CWF19L1: variants seen among roughly 807,000 people sequenced by gnomAD.
CWF19L1 encodes the protein CWF19 like cell cycle control factor 1.
A neutral mutation model predicts 69.7 loss-of-function variants in CWF19L1; 60 were observed. The ratio of observed to expected loss-of-function variants is 0.86; its 90% CI spans 0.70 to 1.07. The LOEUF (loss-of-function observed/expected upper bound fraction) is 1.07, where lower values mean the gene tolerates loss of function less well. Ranked by LOEUF, CWF19L1 falls within the 50% of genes least tolerant of loss-of-function variation. CWF19L1 has a pLI of 0.00. For missense variants in CWF19L1, 591 were observed against 638.9 expected, an observed-to-expected ratio of 0.92 and a Z score of 0.81; for synonymous variants, 209 against 222.2, an observed-to-expected ratio of 0.94 and a Z score of 0.53.
chr10:100,262,207 C>T lies in CWF19L1; in HGVS notation c.24-144G>A, dbSNP rs1181665174. 7.3e-6 allele frequency: 10 copies of T among 1,361,974 alleles called. No homozygotes were observed. In the African/African-American group the frequency reaches 1.5e-4, roughly 21 times the overall value. The allele number at this position is 1,361,974 out of a possible 1,614,324, so 84.4% of individuals were successfully genotyped here. On this transcript the variant is annotated intron_variant, in intron 1 of 13. Transcript: ENST00000354105. ...TGCAAGGTTCAGTGCACGTAAACCA[C>T]TGGGCAGATCCACTGAGGGTCTCAC...
intron 4 of CWF19L1, among the ~76,000 whole-genome samples, chr10:100,257,306 T>G (rs978516355): frequency 6.0e-5 from 8 of 133,328 alleles, no homozygotes; most frequent in Non-Finnish European, 7.8e-5. Flanking sequence ...TTTTTTTTTT[T>G]TTTTTTGAGA....
chr10:100,256,896 A>G (rs1007226972), intron 4 of CWF19L1, among the ~76,000 whole-genome samples: 3 of 152,272 alleles, frequency 2.0e-5, no homozygotes, highest in African/African-American at 7.2e-5. Context: ...GAAAAGATGC[A>G]CATAGTGAAA....
chr10:100,248,868 G>A, intron 7 of CWF19L1: 1 of 1,092,056 alleles, frequency 9.2e-7, no homozygotes, highest in Admixed American at 1.7e-5. Context: ...AAAAGGCTGA[G>A]CAGCAGAAAA....
intron 7 of CWF19L1, chr10:100,249,009 C>G: frequency 1.6e-6 from 1 of 641,284 alleles, no homozygotes; most frequent in Non-Finnish European, 2.9e-6. Flanking sequence ...CATTCCAGCT[C>G]TTATACTCTG....
chr10:100,259,302 C>T (rs58782398), intron 4 of CWF19L1, among the ~76,000 whole-genome samples: 1,691 of 151,802 alleles, frequency 0.011, 42 homozygotes, highest in African/African-American at 0.038. Context: ...TTGAAAACAG[C>T]CAGACATTGA....
At chr10:100,233,635 A>G (rs1382735621) in intron 13 of CWF19L1, among the ~76,000 whole-genome samples, 3 of 152,206 alleles carry the variant, frequency 2.0e-5, no homozygotes, top group African/African-American at 7.2e-5. Flanking sequence ...GCAACACCAC[A>G]TAGAAAAAGG....
chr10:100,250,766 T>C (rs746358903), intron 6 of CWF19L1, among the ~76,000 whole-genome samples: 31 of 151,670 alleles, frequency 2.0e-4, no homozygotes, highest in Non-Finnish European at 4.3e-4. Flanking sequence ...GGCAACACAG[T>C]GAGACTCTGT....
intron 12 of CWF19L1, 27 bp downstream of exon 12, chr10:100,236,823 C>A: frequency 6.4e-7 from 1 of 1,563,304 alleles, no homozygotes; most frequent in Non-Finnish European, 8.6e-7. Context: ...TTTACTCTTC[C>A]CTGAATATCA....
At chr10:100,255,191 C>A (rs1847168214) in intron 5 of CWF19L1, among the ~76,000 whole-genome samples, 1 of 152,222 alleles carries the variant, frequency 6.6e-6, no homozygotes, top group Non-Finnish European at 1.5e-5. Flanking sequence ...GTTGTCACTC[C>A]TGGTGTACCA....
intron 7 of CWF19L1, 143 bp from the exon 8 acceptor site, chr10:100,247,078 A>C: frequency 2.8e-6 from 2 of 718,100 alleles, no homozygotes; most frequent in Non-Finnish European, 4.3e-6. Flanking sequence ...TCCATAGCTC[A>C]GAGAGTAAAC....
At chr10:100,245,703 G>A in intron 9 of CWF19L1, 96 bp downstream of exon 9, 1 of 858,044 alleles carries the variant, frequency 1.2e-6, no homozygotes, top group Non-Finnish European at 1.9e-6. Flanking sequence ...ATTCTCCCCT[G>A]CCAGAAGAGG....
intron 1 of CWF19L1, among the ~76,000 whole-genome samples, chr10:100,263,930 G>A (rs1238240886): frequency 2.0e-5 from 3 of 152,142 alleles, no homozygotes; most frequent in Non-Finnish European, 2.9e-5. Flanking sequence ...ATGCCAAAGC[G>A]TTCTTAAGCA....
At chr10:100,263,695 T>C (rs1228865278) in intron 1 of CWF19L1, among the ~76,000 whole-genome samples, 2 of 152,188 alleles carry the variant, frequency 1.3e-5, no homozygotes, top group Admixed American at 1.3e-4. Flanking sequence ...CACTGTTCTC[T>C]ATCCCACTGA....
intron 7 of CWF19L1, chr10:100,248,442 G>T: frequency 1.4e-6 from 1 of 692,914 alleles, no homozygotes; most frequent in Non-Finnish European, 2.6e-6. Flanking sequence ...CATTCCATGG[G>T]TACACAAACC....
In CWF19L1 at chr10:100,256,322, A is replaced by C. The variant is rs1439325422; in HGVS notation, c.444T>G (p.Gly148=). Residue 148 remains glycine (G), a synonymous_variant, in exon 5 of 14, where the codon GGT becomes GGG. Transcript: ENST00000354105. ...MMLCTTSQFK[G]VDILLTSPWP... ...ATGGGGATGTGAGCAAGATATCAAC[A>C]CCCTTAAACTGGGAGGTTGTACACA... The C allele has an allele frequency of 6.2e-7, 1 of 1,614,078 alleles. No homozygotes were observed. The highest frequency in any genetic ancestry group is 1.7e-5 in the Admixed American group (1 of 60,012).
At position 100,248,345 on chromosome 10, in the gene CWF19L1, T is replaced by A. The variant is rs549941479; in HGVS notation, c.709-1410A>T. 7.0e-6 allele frequency: 7 copies of A among 999,726 alleles called. No individual in the cohort carries two copies. In the East Asian group the frequency reaches 1.4e-4, roughly 21 times the overall value. The allele number at this position is 999,726 out of a possible 1,614,324, so 61.9% of individuals were successfully genotyped here. A position where few individuals can be genotyped will look rare whatever the true frequency, so the allele number is the denominator to read the frequency against. ...GAGACGTGGTGAACTCTGCCCTATA[T>A]AATGTGGATGCTGAGCAAAGAGCTG... On this transcript the variant is annotated intron_variant, in intron 7 of 13. Coordinates refer to ENST00000354105, the MANE Select transcript of CWF19L1 (RefSeq NM_018294.6).
chr10:100,256,287 C>T lies in CWF19L1; in HGVS notation c.479G>A (p.Cys160Tyr), dbSNP rs2270962. ...DILLTSPWPKCVGNFGNSSGE... is the reference protein window; with the variant it reads ...DILLTSPWPKYVGNFGNSSGE... ...AGAAGAATTCCCAAAGTTCCCCACA[C>T]ACTTGGGCCATGGGGATGTGAGCAA... Residue 160 changes from cysteine to tyrosine, a missense_variant, in exon 5 of 14, where the codon TGT becomes TAT. Coordinates refer to ENST00000354105, the MANE Select transcript of CWF19L1 (RefSeq NM_018294.6). The T allele has an allele frequency of 0.1, 162,129 of 1,613,390 alleles. 16,440 individuals are homozygous for T. Among genetic ancestry groups the T allele is most frequent in the African/African-American group, 0.53 (39,822 of 74,878 alleles).
Position 100,256,309 on chromosome 10 carries a change from G to T in CWF19L1, c.457C>A (p.Leu153Ile). The change falls in exon 5 of 14, where the codon CTC becomes ATC. Residue 153 changes from leucine (L) to isoleucine (I), a missense_variant. Physicochemically the swap from Leu to Ile is conservative, Grantham distance 5. Transcript: ENST00000354105. ...ACACACTTGGGCCATGGGGATGTGA[G>T]CAAGATATCAACACCCTTAAACTGG... ...TSQFKGVDILLTSPWPKCVGN... is the reference protein window; with the variant it reads ...TSQFKGVDILITSPWPKCVGN... The T allele has an allele frequency of 6.2e-7, 1 of 1,614,158 alleles. No individual in the cohort carries two copies. Among genetic ancestry groups the T allele is most frequent in the South Asian group, 1.1e-5 (1 of 91,088 alleles).
chr10:100,267,414 C>A (rs796711367), intron 1 of CWF19L1, 157 bp downstream of exon 1: 1 of 985,208 alleles, frequency 1.0e-6, no homozygotes, highest in East Asian at 1.1e-4. Context: ...GAGGTCAGCC[C>A]CGGCCAGGCA....
Sources: allele counts gnomAD v4.1 joint callset (sites outside exome capture counted in the v4.1 genomes callset), GRCh38; gene constraint gnomAD v4.1.1; transcripts MANE v1.5; gene names NCBI Gene and HGNC (gene_info 2026-07-23, HGNC 2026-07-21).